Variants in BTLA observed in about 807,000 individuals in gnomAD.
BTLA encodes B and T lymphocyte associated.
BTLA carries 11 observed loss-of-function variants against 25.0 expected under a neutral mutation model. That is an observed-to-expected ratio of 0.44 (90% CI 0.28 to 0.73). The LOEUF (loss-of-function observed/expected upper bound fraction) is 0.73, where lower values mean the gene tolerates loss of function less well. Ranked by LOEUF, BTLA falls within the 30% of genes least tolerant of loss-of-function variation. The pLI is 0.15. For synonymous variants in BTLA, 104 were observed against 119.8 expected, an observed-to-expected ratio of 0.87 and a Z score of 0.86; for missense variants, 282 against 332.8, an observed-to-expected ratio of 0.85 and a Z score of 1.19.
In BTLA at chr3:112,464,768, G is replaced by T. The variant is rs1434252481; in HGVS notation, c.*1340C>A. ...AATGTCAATTTGATCAGTTTCTCGT[G>T]CACCATTTCTGTTGTCACCCACCCC... On this transcript the variant is annotated 3_prime_UTR_variant, in exon 5 of 5. Coordinates refer to ENST00000334529, the MANE Select transcript of BTLA (RefSeq NM_181780.4). The T allele has an allele frequency of 6.6e-6, 1 of 150,776 alleles. No homozygotes were observed. The highest frequency in any genetic ancestry group is 1.5e-5 in the Non-Finnish European group (1 of 67,812). The allele number at this position is 150,776 out of a possible 1,614,324, so 9.3% of individuals were successfully genotyped here.
intron 2 of BTLA, 63 bp downstream of exon 2, chr3:112,479,392 A>AC (rs1193217036): frequency 1.8e-5 from 26 of 1,461,254 alleles, no homozygotes; most frequent in Non-Finnish European, 2.2e-5. Context: ...GAGAAACTGA[A>AC]CCCCCCTCTT....
At position 112,466,058 on chromosome 3, in the gene BTLA, A is replaced by T. The variant is rs748034910; in HGVS notation, c.*50T>A. 2.0e-6 allele frequency: 3 copies of T among 1,477,496 alleles called. No homozygotes were observed. The highest frequency in any genetic ancestry group is 1.5e-5 in the South Asian group (1 of 68,320). The allele number at this position is 1,477,496 out of a possible 1,614,324, so 91.5% of individuals were successfully genotyped here. A position where few individuals can be genotyped will look rare whatever the true frequency, so the allele number is the denominator to read the frequency against. ...GACATCCTGTTGAGCCCAGACAATG[A>T]TGTCAACATGCTGATCATTCAATGG... On this transcript the variant is annotated 3_prime_UTR_variant, in exon 5 of 5. Coordinates refer to ENST00000334529, the MANE Select transcript of BTLA (RefSeq NM_181780.4).
Position 112,466,179 on chromosome 3 carries a change from G to C in BTLA, c.799C>G (p.Pro267Ala), listed in dbSNP as rs758247730. Residue 267 changes from proline (P) to alanine (A), a missense_variant, in exon 5 of 5, where the codon CCG (proline) becomes GCG (alanine). Coordinates refer to ENST00000334529, the MANE Select transcript of BTLA (RefSeq NM_181780.4). The part of the protein sequence containing the change: ...YASLNHSVIG[P>A]NSRLARNVKE... ...ACATTTCTTGCCAGTCTTGAGTTCG[G>C]TCCAATGACAGAATGGTTCAGGGAA... The C allele has an allele frequency of 6.2e-7, 1 of 1,613,704 alleles. No homozygotes were observed. The highest frequency in any genetic ancestry group is 1.1e-5 in the South Asian group (1 of 91,006).
In BTLA at chr3:112,499,257, A is replaced by C. The variant is rs1451070489; in HGVS notation, c.88+14T>G. 2 of 1,551,196 alleles carry C rather than the reference A, an allele frequency of 1.3e-6. No individual in the cohort carries two copies. The highest frequency in any genetic ancestry group is 2.7e-5 in the African/African-American group (2 of 73,496). ...GAGAAATAAAACCAGAAATAACCTA[A>C]GCAGGTGCCTTACCATGGATGTTCC... On this transcript the variant is annotated intron_variant, in intron 1 of 4. Transcript: ENST00000334529.
At chr3:112,488,297 C>G (rs557885612) in intron 1 of BTLA, among the ~76,000 whole-genome samples, 1 of 146,460 alleles carries the variant, frequency 6.8e-6, no homozygotes, top group African/African-American at 2.5e-5. Flanking sequence ...GCGCAATCTC[C>G]GCTCACTGCA....
intron 3 of BTLA, 52 bp from the exon 4 acceptor site, chr3:112,469,856 G>T: frequency 6.9e-7 from 1 of 1,456,670 alleles, no homozygotes; most frequent in Non-Finnish European, 9.5e-7. Context: ...GAAAGCAGAA[G>T]TAAACCACCT....
chr3:112,469,628 T>TAGTACATAGA (rs1553730238), intron 4 of BTLA, 130 bp downstream of exon 4: 1 of 41,688 alleles, frequency 2.4e-5, no homozygotes. Context: ...TATATATATA[T>TAGTACATAGA]ATATATATAT....
intron 1 of BTLA, among the ~76,000 whole-genome samples, chr3:112,479,977 G>T (rs2082309337): frequency 6.6e-6 from 1 of 151,810 alleles, no homozygotes; most frequent in African/African-American, 2.4e-5. Context: ...TTAATCCTCT[G>T]TCTGTCAGGC....
At chr3:112,487,324 C>T (rs928921399) in intron 1 of BTLA, among the ~76,000 whole-genome samples, 10 of 152,222 alleles carry the variant, frequency 6.6e-5, no homozygotes, top group African/African-American at 2.4e-4. Context: ...GTGACTCATG[C>T]CTGTAATCCC....
At chr3:112,485,699 A>T (rs2082343213) in intron 1 of BTLA, among the ~76,000 whole-genome samples, 1 of 152,188 alleles carries the variant, frequency 6.6e-6, no homozygotes, top group African/African-American at 2.4e-5. Flanking sequence ...AGTAGCCGGA[A>T]CCATCAGTTA....
intron 4 of BTLA, 50 bp from the exon 5 acceptor site, chr3:112,466,433 T>G: frequency 6.8e-7 from 1 of 1,472,980 alleles, no homozygotes; most frequent in Non-Finnish European, 9.0e-7. Context: ...GCCATGGTAG[T>G]GCATATTCAT....
intron 1 of BTLA, among the ~76,000 whole-genome samples, chr3:112,497,302 T>A (rs1184136221): frequency 6.6e-6 from 1 of 152,180 alleles, no homozygotes; most frequent in East Asian, 1.9e-4. Flanking sequence ...AGCAGCCCCA[T>A]AATTTAGGTA....
chr3:112,485,783 C>T (rs72938427), intron 1 of BTLA, among the ~76,000 whole-genome samples: 5,060 of 152,190 alleles, frequency 0.033, 213 homozygotes, highest in African/African-American at 0.1. Flanking sequence ...ATTTTCAATG[C>T]TAAAAATGAT....
At position 112,487,584 on chromosome 3, in the gene BTLA, T is replaced by A. The variant is rs556829470; in HGVS notation, c.89-7815A>T. On this transcript the variant is annotated intron_variant, in intron 1 of 4. Coordinates refer to ENST00000334529, the MANE Select transcript of BTLA (RefSeq NM_181780.4). Reference sequence around the variant, plus strand: ...TGGGCAACAAGAGCGAAAATCTGTGTCAAAAAAAAAAAAAGGAAATCAACT... The same window carrying A: ...TGGGCAACAAGAGCGAAAATCTGTGACAAAAAAAAAAAAAGGAAATCAACT... Among the ~76,000 whole-genome samples, 78 of 140,522 alleles carry A rather than the reference T, an allele frequency of 5.6e-4. 1 individual carries two copies. Among genetic ancestry groups the A allele is most frequent in the Admixed American group, 2.9e-3 (41 of 14,240 alleles). 92.2% of individuals were successfully genotyped at this position (140,522 alleles called of 152,430 possible).
At chr3:112,479,985 G>T (rs1000278714) in intron 1 of BTLA, among the ~76,000 whole-genome samples, 7 of 151,718 alleles carry the variant, frequency 4.6e-5, no homozygotes, top group African/African-American at 1.7e-4. Flanking sequence ...CTGTCTGTCA[G>T]GCCTTTGAGC....
At chr3:112,473,657 C>G (rs1170159378) in intron 2 of BTLA, among the ~76,000 whole-genome samples, 1 of 148,316 alleles carries the variant, frequency 6.7e-6, no homozygotes, top group Non-Finnish European at 1.5e-5. Flanking sequence ...CTCTATCACC[C>G]AGGCTGGAGT....
At chr3:112,490,595 C>A (rs2082374342) in intron 1 of BTLA, among the ~76,000 whole-genome samples, 1 of 118,498 alleles carries the variant, frequency 8.4e-6, no homozygotes, top group East Asian at 2.5e-4. Flanking sequence ...GCCATTTTCT[C>A]CCTGGGTAAA....
At chr3:112,467,207 G>T (rs535800520) in intron 4 of BTLA, among the ~76,000 whole-genome samples, 1 of 152,166 alleles carries the variant, frequency 6.6e-6, no homozygotes, top group East Asian at 1.9e-4. Flanking sequence ...TGATCCGCCC[G>T]CCTCGGCCTC....
chr3:112,478,316 C>G (rs1189626595), intron 2 of BTLA, among the ~76,000 whole-genome samples: 1 of 151,992 alleles, frequency 6.6e-6, no homozygotes, highest in Non-Finnish European at 1.5e-5. Flanking sequence ...GCCATGCTTT[C>G]TTTGTTCAGT....
Sources: gnomAD v4.1 joint callset for allele counts (sites outside exome capture counted in the v4.1 genomes callset) on GRCh38, gnomAD v4.1.1 for gene constraint, MANE v1.5 for transcripts, NCBI Gene and HGNC (gene_info 2026-07-23, HGNC 2026-07-21) for gene names.